SIPA1L3: variants seen among roughly 807,000 people sequenced by gnomAD.
The protein encoded by SIPA1L3 is signal-induced proliferation-associated 1-like protein 3.
In SIPA1L3, 59 loss-of-function variants were observed where a neutral mutation model predicts 150.1. That is an observed-to-expected ratio of 0.39 (90% CI 0.32 to 0.49). The LOEUF is 0.49. Ranked by LOEUF, SIPA1L3 falls within the 20% of genes least tolerant of loss-of-function variation. The pLI is 0.86. For synonymous variants in SIPA1L3, 1,070 were observed against 1,077.6 expected, an observed-to-expected ratio of 0.99 and a Z score of 0.14; for missense variants, 2,211 against 2,489.5, an observed-to-expected ratio of 0.89 and a Z score of 2.38.
At chr19:38,154,516 C>T (rs537689673) in intron 13 of SIPA1L3, among the ~76,000 whole-genome samples, 2 of 152,224 alleles carry the variant, frequency 1.3e-5, no homozygotes, top group African/African-American at 2.4e-5. Context: ...GGCACAATCT[C>T]GGCTCACCGC....
intron 1 of SIPA1L3, among the ~76,000 whole-genome samples, chr19:38,017,593 T>C (rs1322971122): frequency 6.6e-6 from 1 of 151,132 alleles, no homozygotes; most frequent in Non-Finnish European, 1.5e-5. Flanking sequence ...GGTGTCATCA[T>C]AGCTTACTGC....
At chr19:38,041,510 C>G (rs368421045) in intron 2 of SIPA1L3, among the ~76,000 whole-genome samples, 1 of 152,098 alleles carries the variant, frequency 6.6e-6, no homozygotes, top group African/African-American at 2.4e-5. Flanking sequence ...AACTCCTGAC[C>G]TCGTGATCCG....
Position 38,110,092 on chromosome 19 carries a change from CG to C in SIPA1L3, c.2134-132del, listed in dbSNP as rs1211464351. On this transcript the variant is annotated intron_variant, in intron 7 of 21. Transcript: ENST00000222345. ...CCACAGGAAGGTTTGTCACCTGACT[CG>C]GGCATTCCTTGGGCTGTGTGTGAGC... The C allele has an allele frequency of 5.0e-6, 4 of 794,520 alleles. No homozygotes were observed. The African/African-American group carries it at 8.0e-5, about 16-fold the overall frequency. 49.2% of individuals were successfully genotyped at this position (794,520 alleles called of 1,614,324 possible).
At position 38,082,734 on chromosome 19, in the gene SIPA1L3, A is replaced by T; in HGVS notation, c.1169A>T (p.His390Leu). 6.2e-7 allele frequency: 1 copy of T among 1,612,312 alleles called. No homozygotes were observed. Among genetic ancestry groups the T allele is most frequent in the South Asian group, 1.1e-5 (1 of 91,052 alleles). The change falls in exon 3 of 22, where the codon CAC becomes CTC. Residue 390 changes from histidine (H) to leucine (L), a missense_variant. His to Leu is a moderately conservative substitution (Grantham distance 99). Coordinates refer to ENST00000222345, the MANE Select transcript of SIPA1L3 (RefSeq NM_015073.3). ...GCCTCCCTCACGGCCTCGCGGGCCC[A>T]CAGCCTCGGAGGCCTGGACCCGGCC... The part of the protein sequence containing the change: ...AMASLTASRA[H>L]SLGGLDPAFT...
chr19:37,952,720 A>T (rs1462640586), intron 1 of SIPA1L3, among the ~76,000 whole-genome samples: 1 of 152,206 alleles, frequency 6.6e-6, no homozygotes, highest in African/African-American at 2.4e-5. Flanking sequence ...TCCAGAAATG[A>T]TTTGTATGAA....
intron 19 of SIPA1L3, among the ~76,000 whole-genome samples, chr19:38,201,641 C>G (rs574006848): frequency 6.6e-6 from 1 of 152,182 alleles, no homozygotes; most frequent in Non-Finnish European, 1.5e-5. Context: ...GTCGTTGGAT[C>G]GAAAGCCTCG....
At chr19:38,148,735 G>A (rs1278697697) in intron 12 of SIPA1L3, among the ~76,000 whole-genome samples, 1 of 152,264 alleles carries the variant, frequency 6.6e-6, no homozygotes, top group East Asian at 1.9e-4. Context: ...GCGTCCCGTA[G>A]CCCAACCCTG....
intron 2 of SIPA1L3, among the ~76,000 whole-genome samples, chr19:38,067,342 T>C: frequency 6.6e-6 from 1 of 152,234 alleles, no homozygotes; most frequent in Non-Finnish European, 1.5e-5. Flanking sequence ...CCCTGACCTG[T>C]GTGGGAGCCT....
intron 1 of SIPA1L3, among the ~76,000 whole-genome samples, chr19:38,019,368 G>T (rs1355593027): frequency 1.3e-5 from 2 of 152,202 alleles, no homozygotes; most frequent in African/African-American, 4.8e-5. Flanking sequence ...GTGACTGCTG[G>T]AGTCAAGCTA....
intron 6 of SIPA1L3, among the ~76,000 whole-genome samples, chr19:38,105,763 G>A (rs951912258): frequency 6.6e-6 from 1 of 152,152 alleles, no homozygotes; most frequent in African/African-American, 2.4e-5. Flanking sequence ...TTTCCTGGCT[G>A]TATATTTTTC....
At chr19:37,936,316 C>T (rs937588947) in intron 1 of SIPA1L3, among the ~76,000 whole-genome samples, 3 of 152,318 alleles carry the variant, frequency 2.0e-5, no homozygotes, top group Non-Finnish European at 2.9e-5. Flanking sequence ...CCTGCCAGCA[C>T]TCCATCCAGA....
At position 37,995,252 on chromosome 19, in the gene SIPA1L3, CAG is replaced by C. The variant is rs563205103; in HGVS notation, c.-378-33836_-378-33835del. On this transcript the variant is annotated intron_variant, in intron 1 of 21. Transcript: ENST00000222345. ...CTGTACCGTGAGAGACAGCAAGAGACAGGGGATGGCAGTGGCATCCGCTAGAC... is the reference window on the plus strand; with the variant it reads ...CTGTACCGTGAGAGACAGCAAGAGACGGGATGGCAGTGGCATCCGCTAGAC... Among the ~76,000 whole-genome samples the C allele has an allele frequency of 6.9e-3, 1,044 of 152,284 alleles. 3 individuals carry two copies. The highest frequency in any genetic ancestry group is 0.011 in the Non-Finnish European group (774 of 68,020).
chr19:38,198,579 G>A, intron 19 of SIPA1L3, 47 bp downstream of exon 19: 1 of 1,399,416 alleles, frequency 7.1e-7, no homozygotes, highest in Non-Finnish European at 9.4e-7. Flanking sequence ...CCCGTCCTCT[G>A]TTCTAGAGGG....
At chr19:38,128,872 G>C (rs1367902364) in intron 9 of SIPA1L3, among the ~76,000 whole-genome samples, 2 of 152,002 alleles carry the variant, frequency 1.3e-5, no homozygotes, top group African/African-American at 2.4e-5. Context: ...ACTCCAGCCT[G>C]GGCGACAGCG....
intron 9 of SIPA1L3, among the ~76,000 whole-genome samples, chr19:38,127,929 AG>A (rs762846816): frequency 6.6e-6 from 1 of 151,956 alleles, no homozygotes; most frequent in Non-Finnish European, 1.5e-5. Context: ...TCTGGAGGCC[AG>A]GAAGTCCAAG....
rs1970039953 is a variant in SIPA1L3, at chr19:38,082,923, G to A, written c.1358G>A (p.Ser453Asn). 1 of 1,613,022 alleles carries A rather than the reference G, an allele frequency of 6.2e-7. No homozygotes were observed. The highest frequency in any genetic ancestry group is 8.5e-7 in the Non-Finnish European group (1 of 1,179,892). The change falls in exon 3 of 22, where the codon AGC becomes AAC. Residue 453 changes from serine to asparagine, a missense_variant. Physicochemically the swap from Ser to Asn is conservative, Grantham distance 46. Transcript: ENST00000222345. ...TCCCGGGCTTCCGTGGGCTCCCCGA[G>A]CAGCGGCGAGGGCCACCTGGCAGAG... ...SFSRASVGSP[S>N]SGEGHLAEPA... is the part of the protein sequence containing the mutation.
intron 1 of SIPA1L3, among the ~76,000 whole-genome samples, chr19:37,932,010 GTTA>G (rs1315468649): frequency 1.3e-5 from 2 of 152,232 alleles, no homozygotes; most frequent in South Asian, 2.1e-4. Context: ...GGTTGTGGTT[GTTA>G]TTATTAGCCA....
intron 1 of SIPA1L3, among the ~76,000 whole-genome samples, chr19:38,022,572 G>A (rs11083445): frequency 0.29 from 42,838 of 148,504 alleles, 7,072 homozygotes; most frequent in East Asian, 0.69. Context: ...ATCGGGCGTG[G>A]TGGCAGGTGC....
In SIPA1L3 at chr19:38,081,844, G is replaced by A; in HGVS notation, c.279G>A (p.Leu93=). 1 of 1,613,964 alleles carries A rather than the reference G, an allele frequency of 6.2e-7. No homozygotes were observed. The highest frequency in any genetic ancestry group is 8.5e-7 in the Non-Finnish European group (1 of 1,179,930). ...ACTGGCCGCCCAAGCGGGAGGCCCT[G>A]AGAGAGCACAGCAACCCAAGCCCCT... is the stretch of plus-strand genomic sequence containing the variant. ...VADWPPKREA[L]REHSNPSPSQ... is the part of the protein sequence containing the mutation. The change falls in exon 3 of 22, where the codon CTG becomes CTA. Residue 93 remains leucine (L), a synonymous_variant. Transcript: ENST00000222345.
Sources: gnomAD v4.1 joint callset for allele counts (sites outside exome capture counted in the v4.1 genomes callset) on GRCh38, gnomAD v4.1.1 for gene constraint, MANE v1.5 for transcripts, NCBI Gene and HGNC (gene_info 2026-07-23, HGNC 2026-07-21) for gene names.